Variants in ERBB4 observed in about 807,000 individuals in gnomAD.
ERBB4 encodes the protein receptor tyrosine-protein kinase erbB-4.
Under a neutral mutation model 158.0 loss-of-function variants are expected in ERBB4, and 42 were observed. That is an observed-to-expected ratio of 0.27 (90% confidence interval 0.21 to 0.34). The LOEUF (loss-of-function observed/expected upper bound fraction) is 0.34. Among genes scored for constraint, ERBB4 ranks in the 10% least tolerant of loss-of-function variants. The probability of loss-of-function intolerance (pLI) is 1.00; values close to 1 mark genes in which losing one functional copy is unlikely to be tolerated. For synonymous variants in ERBB4, 583 were observed against 558.7 expected, an observed-to-expected ratio of 1.04 and a Z score of -0.61; for missense variants, 1,333 against 1,624.1, an observed-to-expected ratio of 0.82 and a Z score of 3.08.
At chr2:212,452,338 T>G (rs920792942) in intron 1 of ERBB4, among the ~76,000 whole-genome samples, 2 of 152,210 alleles carry the variant, frequency 1.3e-5, no homozygotes, top group African/African-American at 4.8e-5. Context: ...ATTTAACAGT[T>G]TTTTGACACC....
At chr2:211,872,661 A>C (rs2078382680) in intron 3 of ERBB4, among the ~76,000 whole-genome samples, 1 of 152,200 alleles carries the variant, frequency 6.6e-6, no homozygotes, top group Non-Finnish European at 1.5e-5. Context: ...CCCTTCAAAA[A>C]ATAATTATTC....
intron 1 of ERBB4, among the ~76,000 whole-genome samples, chr2:212,516,127 GAC>G (rs1193821126): frequency 1.3e-5 from 2 of 151,630 alleles, no homozygotes; most frequent in South Asian, 4.2e-4. Context: ...TAGTACTATA[GAC>G]ACACACACAG....
Position 211,436,619 on chromosome 2 carries a change from A to C in ERBB4, c.2488-5519T>G, listed in dbSNP as rs891490608. 2.0e-5 allele frequency among the ~76,000 whole-genome samples: 3 copies of C among 152,230 alleles called. No individual in the cohort carries two copies. The East Asian group carries it at 5.8e-4, about 29-fold the overall frequency. On this transcript the variant is annotated intron_variant, in intron 20 of 27. Transcript: ENST00000342788. Reference sequence around the variant, plus strand: ...ATAGCTATCAACAATCCTAGAATGCACAAGAATTACTTACCCTCCTTAACT... The same window carrying C: ...ATAGCTATCAACAATCCTAGAATGCCCAAGAATTACTTACCCTCCTTAACT...
intron 3 of ERBB4, among the ~76,000 whole-genome samples, chr2:211,820,260 C>T (rs2076965736): frequency 6.6e-6 from 1 of 151,836 alleles, no homozygotes; most frequent in Non-Finnish European, 1.5e-5. Flanking sequence ...ACTGTTCATG[C>T]TGGTGCAAGT....
At chr2:212,195,171 G>A (rs1398443825) in intron 1 of ERBB4, among the ~76,000 whole-genome samples, 1 of 151,760 alleles carries the variant, frequency 6.6e-6, no homozygotes, top group Non-Finnish European at 1.5e-5. Context: ...ATAGTAACAG[G>A]ATCCTCATTT....
At chr2:212,373,833 ATAT>A (rs1165968090) in intron 1 of ERBB4, among the ~76,000 whole-genome samples, 4 of 118,670 alleles carry the variant, frequency 3.4e-5, no homozygotes, top group Admixed American at 1.7e-4. Context: ...CCATATATAT[ATAT>A]ATCCATGTAT....
At chr2:211,984,777 C>A (rs1211337209) in intron 2 of ERBB4, among the ~76,000 whole-genome samples, 1 of 151,922 alleles carries the variant, frequency 6.6e-6, no homozygotes, top group Non-Finnish European at 1.5e-5. Flanking sequence ...TGCTGGAGTA[C>A]AATGGCACGA....
In ERBB4 at chr2:211,716,720, C is replaced by CA. The variant is rs66511513; in HGVS notation, c.884-3073dup. ...AACAACAAAACAAAACAAAAAAAAA[C>CA]AAAAAAAAAAGAAGAAGCTTAATGT... On this transcript the variant is annotated intron_variant, in intron 7 of 27. Transcript: ENST00000342788. Among the ~76,000 whole-genome samples, 326 of 150,202 alleles carry CA rather than the reference C, an allele frequency of 2.2e-3. 2 individuals are homozygous for CA. The highest frequency in any genetic ancestry group is 6.8e-3 in the African/African-American group (279 of 40,902).
chr2:212,054,710 A>T lies in ERBB4; in HGVS notation c.234+70042T>A, dbSNP rs547035827. Among the ~76,000 whole-genome samples, 8 of 152,344 alleles carry T rather than the reference A, an allele frequency of 5.3e-5. No homozygotes were observed. In the South Asian group the frequency reaches 1.7e-3, roughly 32 times the overall value. On this transcript the variant is annotated intron_variant, in intron 2 of 27. Transcript: ENST00000342788. ...GGAGAGCAGAAAAGGGACAAAAGCC[A>T]TCAGATGCTTTTTCTGGAAGATGCT...
intron 1 of ERBB4, among the ~76,000 whole-genome samples, chr2:212,445,091 T>C (rs559044389): frequency 6.6e-6 from 1 of 152,182 alleles, no homozygotes; most frequent in Non-Finnish European, 1.5e-5. Flanking sequence ...TGGAATTCAC[T>C]GGTCTTACCA....
intron 1 of ERBB4, among the ~76,000 whole-genome samples, chr2:212,536,113 C>CA (rs1255483807): frequency 3.3e-5 from 5 of 152,206 alleles, no homozygotes; most frequent in Admixed American, 2.6e-4. Context: ...TGGACCAAAA[C>CA]AAACTCCTCC....
At position 212,150,986 on chromosome 2, in the gene ERBB4, G is replaced by A. The variant is rs117247836; in HGVS notation, c.83-26083C>T. Among the ~76,000 whole-genome samples, 85 of 151,884 alleles carry A rather than the reference G, an allele frequency of 5.6e-4. No homozygotes were observed. The East Asian group carries it at 5.6e-3, about 10-fold the overall frequency. Reference sequence around the variant, plus strand: ...CCTAACCTTCTCCAACAGAAATATTGGTTCCATAACTCGGTACCCACCTTG... The same window carrying A: ...CCTAACCTTCTCCAACAGAAATATTAGTTCCATAACTCGGTACCCACCTTG... On this transcript the variant is annotated intron_variant, in intron 1 of 27. Coordinates refer to ENST00000342788, the MANE Select transcript of ERBB4 (RefSeq NM_005235.3).
intron 3 of ERBB4, among the ~76,000 whole-genome samples, chr2:211,917,356 A>T (rs578067283): frequency 6.6e-6 from 1 of 152,286 alleles, no homozygotes; most frequent in East Asian, 1.9e-4. Context: ...TTAGGGAGCT[A>T]CACAGTGGAG....
intron 1 of ERBB4, among the ~76,000 whole-genome samples, chr2:212,451,006 G>A (rs1052108652): frequency 6.6e-6 from 1 of 151,948 alleles, no homozygotes; most frequent in Non-Finnish European, 1.5e-5. Flanking sequence ...TGTCACATCC[G>A]TGTAGTCCTG....
chr2:211,961,626 T>G (rs2081182036), intron 2 of ERBB4, among the ~76,000 whole-genome samples: 1 of 152,182 alleles, frequency 6.6e-6, no homozygotes, highest in Admixed American at 6.6e-5. Flanking sequence ...TCCCACTGAA[T>G]GAACACACCA....
intron 1 of ERBB4, among the ~76,000 whole-genome samples, chr2:212,530,440 G>A (rs1326487588): frequency 1.3e-5 from 2 of 152,090 alleles, no homozygotes; most frequent in Non-Finnish European, 2.9e-5. Context: ...CTACAGAGAA[G>A]GACAGGAAAT....
chr2:212,082,367 A>C (rs937004877), intron 2 of ERBB4, among the ~76,000 whole-genome samples: 1 of 152,098 alleles, frequency 6.6e-6, no homozygotes, highest in Non-Finnish European at 1.5e-5. Flanking sequence ...CTTGTTAAAC[A>C]TAGCAATATT....
intron 1 of ERBB4, among the ~76,000 whole-genome samples, chr2:212,511,460 C>A (rs1691516172): frequency 6.6e-6 from 1 of 151,980 alleles, no homozygotes; most frequent in East Asian, 1.9e-4. Context: ...AAATTTAGGA[C>A]AATTTTAAAG....
chr2:211,847,745 C>T (rs1014781485), intron 3 of ERBB4, among the ~76,000 whole-genome samples: 1 of 152,016 alleles, frequency 6.6e-6, no homozygotes, highest in Admixed American at 6.6e-5. Flanking sequence ...GATTGTACAC[C>T]CGGCTACAGC....
Sources: allele counts gnomAD v4.1 joint callset (sites outside exome capture counted in the v4.1 genomes callset), GRCh38; gene constraint gnomAD v4.1.1; transcripts MANE v1.5; gene names NCBI Gene and HGNC (gene_info 2026-07-23, HGNC 2026-07-21).